Variants in FAM13C observed in about 807,000 individuals in gnomAD.
FAM13C encodes protein FAM13C.
In FAM13C, 37 loss-of-function variants were observed where a neutral mutation model predicts 73.2. The observed-to-expected ratio is 0.51, with a 90% CI of 0.39 to 0.67. The LOEUF (loss-of-function observed/expected upper bound fraction) is 0.67. Among genes scored for constraint, FAM13C ranks in the 30% least tolerant of loss-of-function variants. The probability of loss-of-function intolerance (pLI) is 0.00; values close to 1 mark genes in which losing one functional copy is unlikely to be tolerated. For missense variants in FAM13C, 589 were observed against 715.6 expected, an observed-to-expected ratio of 0.82 and a Z score of 2.02; for synonymous variants, 246 against 260.9, an observed-to-expected ratio of 0.94 and a Z score of 0.55.
Position 59,247,301 on chromosome 10 carries a change from C to G in FAM13C, c.*313G>C, listed in dbSNP as rs1052316296. 9 of 277,452 alleles carry G rather than the reference C, an allele frequency of 3.2e-5. No homozygotes were observed. Among genetic ancestry groups the G allele is most frequent in the African/African-American group, 2.1e-4 (9 of 43,568 alleles). The allele number at this position is 277,452 out of a possible 1,614,324, so 17.2% of individuals were successfully genotyped here. ...AAATAAACTTTCCCTAACAAGTGTC[C>G]TAGCTATGTTATTTAGATTTGATAA... On this transcript the variant is annotated 3_prime_UTR_variant, in exon 14 of 14. Transcript: ENST00000618804.
At chr10:59,341,748 A>G (rs1231324162) in intron 3 of FAM13C, among the ~76,000 whole-genome samples, 1 of 152,142 alleles carries the variant, frequency 6.6e-6, no homozygotes, top group Non-Finnish European at 1.5e-5. Context: ...ACTGATAAGC[A>G]GTAGAGGTAT....
At chr10:59,270,958 C>T (rs571666208) in intron 6 of FAM13C, among the ~76,000 whole-genome samples, 16 of 152,278 alleles carry the variant, frequency 1.1e-4, no homozygotes, top group African/African-American at 2.6e-4. Context: ...CCCCACCTCA[C>T]GGTCCTCCAG....
intron 4 of FAM13C, among the ~76,000 whole-genome samples, chr10:59,321,543 A>C (rs1442907424): frequency 6.8e-6 from 1 of 147,896 alleles, no homozygotes; most frequent in Admixed American, 7.1e-5. Flanking sequence ...GTTTGTGGTC[A>C]GTTATTACAG....
intron 3 of FAM13C, among the ~76,000 whole-genome samples, chr10:59,327,155 C>G (rs538083718): frequency 5.9e-5 from 9 of 151,970 alleles, no homozygotes; most frequent in Middle Eastern, 3.4e-3. Context: ...CGTCCCGACC[C>G]AAGTACCTTA....
chr10:59,251,314 T>C (rs570987483), intron 13 of FAM13C: 30 of 443,760 alleles, frequency 6.8e-5, no homozygotes, highest in East Asian at 6.7e-4. Flanking sequence ...ATGAGATTTA[T>C]TGTGCAAAGT....
In FAM13C at chr10:59,338,863, C is replaced by T. The variant is rs557512722; in HGVS notation, c.324+13407G>A. On this transcript the variant is annotated intron_variant, in intron 3 of 13. Transcript: ENST00000618804. ...AGCCCACTCTAACTTCAGGAAGCCC[C>T]TTCTTGTATTAGTTTCCTAGGGTTA... Among the ~76,000 whole-genome samples, 16 of 152,308 alleles carry T rather than the reference C, an allele frequency of 1.1e-4. 1 individual carries two copies. The South Asian group carries it at 1.7e-3, about 16-fold the overall frequency.
intron 4 of FAM13C, among the ~76,000 whole-genome samples, chr10:59,318,362 G>T (rs144554593): frequency 9.0e-4 from 137 of 152,188 alleles, no homozygotes; most frequent in African/African-American, 3.0e-3. Flanking sequence ...CTGGGTGTGG[G>T]ATTTTTGTGC....
intron 6 of FAM13C, among the ~76,000 whole-genome samples, chr10:59,279,104 C>T (rs1844646833): frequency 1.3e-5 from 2 of 152,186 alleles, no homozygotes; most frequent in African/African-American, 2.4e-5. Context: ...GGAGTGGCAC[C>T]GTGTTCTATA....
chr10:59,288,940 A>G (rs559314268), intron 5 of FAM13C, among the ~76,000 whole-genome samples: 12 of 152,296 alleles, frequency 7.9e-5, no homozygotes, highest in Non-Finnish European at 1.8e-4. Flanking sequence ...ATGAAGAGAT[A>G]CTTGTTCTGA....
At chr10:59,346,428 G>A (rs1158174117) in intron 3 of FAM13C, among the ~76,000 whole-genome samples, 1 of 152,154 alleles carries the variant, frequency 6.6e-6, no homozygotes, top group Non-Finnish European at 1.5e-5. Context: ...CATCTACAGG[G>A]CCAAGTGGAA....
rs373859107 is a variant in FAM13C, at chr10:59,302,758, T to G, written c.507+43A>C. On this transcript the variant is annotated intron_variant, in intron 5 of 13. Coordinates refer to ENST00000618804, the MANE Select transcript of FAM13C (RefSeq NM_198215.4). ...TGAAAAAGAATAGTAAATCTCATGA[T>G]TGGCTAATTCATGTTCTTATAACCA... 2.0e-6 allele frequency: 3 copies of G among 1,534,062 alleles called. No individual in the cohort carries two copies. In the African/African-American group the frequency reaches 4.1e-5, roughly 21 times the overall value.
chr10:59,259,262 G>A (rs769865306), intron 10 of FAM13C, among the ~76,000 whole-genome samples: 6 of 152,076 alleles, frequency 3.9e-5, no homozygotes, highest in Non-Finnish European at 5.9e-5. Context: ...TACCAAATGC[G>A]GAAATTACAG....
chr10:59,358,467 T>C (rs1855988463), intron 1 of FAM13C, among the ~76,000 whole-genome samples: 1 of 152,148 alleles, frequency 6.6e-6, no homozygotes, highest in Non-Finnish European at 1.5e-5. Flanking sequence ...GGAAAACAAA[T>C]CCCCAAGTAC....
chr10:59,277,700 G>T (rs1164538133), intron 6 of FAM13C, among the ~76,000 whole-genome samples: 1 of 152,130 alleles, frequency 6.6e-6, no homozygotes, highest in Admixed American at 6.5e-5. Context: ...ATTTTAAAAT[G>T]ACTTACAAAA....
chr10:59,294,759 A>G (rs1846695890), intron 5 of FAM13C, among the ~76,000 whole-genome samples: 1 of 152,210 alleles, frequency 6.6e-6, no homozygotes, highest in Non-Finnish European at 1.5e-5. Flanking sequence ...ACTGATAACA[A>G]AAGTTGTCTA....
intron 4 of FAM13C, among the ~76,000 whole-genome samples, chr10:59,311,156 T>C (rs1046580754): frequency 1.3e-5 from 2 of 152,118 alleles, no homozygotes; most frequent in African/African-American, 4.8e-5. Context: ...CACTTCTCAC[T>C]TTGGTGAGCT....
At chr10:59,291,472 C>T (rs566958966) in intron 5 of FAM13C, among the ~76,000 whole-genome samples, 1 of 152,292 alleles carries the variant, frequency 6.6e-6, no homozygotes, top group Non-Finnish European at 1.5e-5. Flanking sequence ...GAGCTCAGCC[C>T]TCACTCTCCG....
intron 9 of FAM13C, chr10:59,263,771 C>G: frequency 6.0e-6 from 2 of 331,496 alleles, no homozygotes; most frequent in Non-Finnish European, 1.2e-5. Flanking sequence ...CAGGCCTCTT[C>G]TGTTTCTAAC....
intron 3 of FAM13C, among the ~76,000 whole-genome samples, chr10:59,347,101 C>A (rs917984376): frequency 6.6e-6 from 1 of 152,102 alleles, no homozygotes; most frequent in Non-Finnish European, 1.5e-5. Context: ...AAGAGATAAA[C>A]AAGCAGAAAG....
Sources: allele counts gnomAD v4.1 joint callset (sites outside exome capture counted in the v4.1 genomes callset), GRCh38; gene constraint gnomAD v4.1.1; transcripts MANE v1.5; gene names NCBI Gene and HGNC (gene_info 2026-07-23, HGNC 2026-07-21).